DUX4: variants seen among roughly 807,000 people sequenced by gnomAD.
DUX4 encodes double homeobox 4, also known as double homeobox protein 4.
downstream of DUX4, among the ~76,000 whole-genome samples, chr4:190,177,108 G>T (rs1742342072): frequency 0.017 from 1,990 of 115,844 alleles, no homozygotes; most frequent in East Asian, 0.036. Flanking sequence ...TCAGTGCAGA[G>T]ATATTTCACA....
intron 1 of DUX4, among the ~76,000 whole-genome samples, chr4:190,181,637 T>TC (rs1742588152): frequency 1.3e-4 from 1 of 7,860 alleles, no homozygotes; most frequent in African/African-American, 5.7e-4. Context: ...AAGCCCCCTG[T>TC]AGGCAGAGCC....
chr4:190,181,286 ATGCCGCCAGTAGGCAGAGCC>A (rs1742561398), intron 1 of DUX4, among the ~76,000 whole-genome samples: 1 of 146,874 alleles, frequency 6.8e-6, no homozygotes, highest in Admixed American at 6.8e-5. Context: ...ATATGTGACA[ATGCCGCCAGTAGGCAGAGCC>A]TAAAGAAGAG....
downstream of DUX4, among the ~76,000 whole-genome samples, chr4:190,177,368 G>T (rs1742362956): frequency 7.6e-6 from 1 of 131,138 alleles, no homozygotes; most frequent in Non-Finnish European, 1.7e-5. Flanking sequence ...CATCACCTGG[G>T]TTATCAGTGC....
downstream of DUX4, chr4:190,175,981 A>G (rs1343975951): frequency 9.1e-6 from 1 of 110,060 alleles, no homozygotes; most frequent in African/African-American, 2.7e-5. Flanking sequence ...CTGAACCTAG[A>G]GAATGGTTAC....
downstream of DUX4, among the ~76,000 whole-genome samples, chr4:190,176,171 T>G (rs1742295548): frequency 8.9e-6 from 1 of 112,558 alleles, no homozygotes; most frequent in African/African-American, 2.6e-5. Flanking sequence ...AAAGCCCCTA[T>G]AAGCCAAACC....
downstream of DUX4, among the ~76,000 whole-genome samples, chr4:190,179,498 AGATATG>A (rs1742498454): frequency 1.8e-4 from 2 of 11,244 alleles, no homozygotes; most frequent in Non-Finnish European, 1.8e-4. Context: ...ATCAGTGCAG[AGATATG>A]TCACAAGCCC....
chr4:190,182,381 G>A (rs1347841065), intron 1 of DUX4, among the ~76,000 whole-genome samples: 1 of 59,102 alleles, frequency 1.7e-5, no homozygotes, highest in Non-Finnish European at 4.7e-5. Context: ...TTAGGGTTAG[G>A]GTTACTGGTT....
intron 1 of DUX4, among the ~76,000 whole-genome samples, chr4:190,181,493 G>GC (rs1742574077): frequency 4.0e-5 from 2 of 50,606 alleles, no homozygotes; most frequent in African/African-American, 7.9e-5. Flanking sequence ...ACGTCACAAG[G>GC]CCCCCTATAG....
downstream of DUX4, among the ~76,000 whole-genome samples, chr4:190,179,794 CAAG>C (rs1579836000): frequency 3.4e-4 from 2 of 5,876 alleles, no homozygotes; most frequent in African/African-American, 8.0e-4. Context: ...CCCCTGTAGG[CAAG>C]CCTACACAAG....
downstream of DUX4, among the ~76,000 whole-genome samples, chr4:190,178,082 C>CCTGTCA (rs1742403870): frequency 2.7e-5 from 1 of 37,712 alleles, no homozygotes; most frequent in Admixed American, 3.5e-4. Context: ...CACAATGCCC[C>CCTGTCA]TGTAGGCAGA....
At chr4:190,178,433 C>T (rs1579834165), downstream of DUX4, among the ~76,000 whole-genome samples, 302 of 142,688 alleles carry the variant, frequency 2.1e-3, no homozygotes, top group East Asian at 0.01. Context: ...CCCCTGTAGG[C>T]AGAGCTTAGA....
At chr4:190,177,186 A>AAACGCCCCTGTAGGGAGAGCCTAGAT (rs1742348733), downstream of DUX4, among the ~76,000 whole-genome samples, 1 of 150,362 alleles carries the variant, frequency 6.7e-6, no homozygotes, top group Non-Finnish European at 1.5e-5. Context: ...AGCTATGTCA[A>AAACGCCCCTGTAGGGAGAGCCTAGAT]AACGCCCCTG....
chr4:190,177,159 C>A (rs1579832465), downstream of DUX4, among the ~76,000 whole-genome samples: 722 of 83,682 alleles, frequency 8.6e-3, no homozygotes, highest in East Asian at 0.028. Flanking sequence ...GTTACATCAC[C>A]TAGATGATCT....
rs1742258899 is a variant in DUX4, at chr4:190,175,665, C to G, written c.*255C>G. 2 of 164,700 alleles carry G rather than the reference C, an allele frequency of 1.2e-5. No homozygotes were observed. Among genetic ancestry groups the G allele is most frequent in the African/African-American group, 2.6e-5 (1 of 38,082 alleles). 10.2% of individuals were successfully genotyped at this position (164,700 alleles called of 1,614,324 possible). A position where few individuals can be genotyped will look rare whatever the true frequency, so the allele number is the denominator to read the frequency against. On this transcript the variant is annotated 3_prime_UTR_variant, in exon 2 of 2. Coordinates refer to ENST00000565211, the MANE Select transcript of DUX4 (RefSeq NM_001306068.3). ...TGGCTAGACCTGCGCGCAGTGCGCACCCCGGCTGACGTGCAAGGGAGCTCG... is the reference window on the plus strand; with the variant it reads ...TGGCTAGACCTGCGCGCAGTGCGCAGCCCGGCTGACGTGCAAGGGAGCTCG...
chr4:190,175,588 A>T lies in DUX4; in HGVS notation c.*237-59A>T, dbSNP rs1232856486. 3.0e-5 allele frequency: 3 copies of T among 100,362 alleles called. 1 individual carries two copies. The highest frequency in any genetic ancestry group is 2.7e-4 in the Admixed American group (2 of 7,360). 6.2% of individuals were successfully genotyped at this position (100,362 alleles called of 1,614,324 possible). A position where few individuals can be genotyped will look rare whatever the true frequency, so the allele number is the denominator to read the frequency against. ...CCCCTGCAGCCTCCCAGCTGCCAGC[A>T]CGGAGCGCCTGGCGGTCAAAAGCAT... is the stretch of plus-strand genomic sequence containing the variant. On this transcript the variant is annotated intron_variant, in intron 1 of 1. Coordinates refer to ENST00000565211, the MANE Select transcript of DUX4 (RefSeq NM_001306068.3).
At chr4:190,181,139 AG>A (rs1742547747) in intron 1 of DUX4, among the ~76,000 whole-genome samples, 1 of 143,268 alleles carries the variant, frequency 7.0e-6, no homozygotes, top group African/African-American at 2.6e-5. Context: ...ATCAGTGCAG[AG>A]ATCTGTCACA....
chr4:190,184,018 C>T (rs1476586315), intron 1 of DUX4, among the ~76,000 whole-genome samples: 250 of 124,098 alleles, frequency 2.0e-3, no homozygotes, highest in African/African-American at 6.1e-3. Context: ...GGAGCACGTC[C>T]CCCAAAATGA....
intron 1 of DUX4, among the ~76,000 whole-genome samples, chr4:190,181,157 CT>C (rs1742548854): frequency 6.8e-6 from 1 of 147,122 alleles, no homozygotes; most frequent in Non-Finnish European, 1.5e-5. Context: ...CACAATGCCC[CT>C]TTAGGCAGAG....
At chr4:190,178,578 T>TTACATCACCTA (rs1742434877), downstream of DUX4, among the ~76,000 whole-genome samples, 5 of 151,740 alleles carry the variant, frequency 3.3e-5, no homozygotes, top group Non-Finnish European at 7.4e-5. Flanking sequence ...AGGCAGAGGG[T>TTACATCACCTA]AGACAAGAGT....
Sources: gnomAD v4.1 joint callset for allele counts (sites outside exome capture counted in the v4.1 genomes callset) on GRCh38, gnomAD v4.1.1 for gene constraint, MANE v1.5 for transcripts, NCBI Gene and HGNC (gene_info 2026-07-23, HGNC 2026-07-21) for gene names.